Variants in OSBPL9 observed in about 807,000 individuals in gnomAD.
The protein encoded by OSBPL9 is oxysterol-binding protein-related protein 9.
Under a neutral mutation model 106.6 loss-of-function variants are expected in OSBPL9, and 40 were observed. That is an observed-to-expected ratio of 0.38 (90% CI 0.29 to 0.49). The LOEUF (loss-of-function observed/expected upper bound fraction) is 0.49. Among genes scored for constraint, OSBPL9 ranks in the 20% least tolerant of loss-of-function variants. The probability of loss-of-function intolerance (pLI) is 0.97; values close to 1 mark genes in which losing one functional copy is unlikely to be tolerated. For synonymous variants in OSBPL9, 269 were observed against 295.4 expected (o/e 0.91, Z 0.92); for missense variants, 609 against 887.2 (o/e 0.69, Z 3.98).
chr1:51,718,982 C>T (rs756954279), intron 4 of OSBPL9, among the ~76,000 whole-genome samples: 1 of 152,156 alleles, frequency 6.6e-6, no homozygotes, highest in Non-Finnish European at 1.5e-5. Flanking sequence ...CAGCCCCCAC[C>T]GTTTTCATGG....
At chr1:51,661,315 G>C (rs939337962) in intron 2 of OSBPL9, among the ~76,000 whole-genome samples, 1 of 152,122 alleles carries the variant, frequency 6.6e-6, no homozygotes, top group Admixed American at 6.5e-5. Flanking sequence ...AAAATAGCCA[G>C]AATTTTGTTT....
chr1:51,646,520 GA>G (rs1646164331), intron 1 of OSBPL9, among the ~76,000 whole-genome samples: 1 of 152,054 alleles, frequency 6.6e-6, no homozygotes, highest in African/African-American at 2.4e-5. Flanking sequence ...TTTTGGTGTG[GA>G]TTCCTTAGGA....
chr1:51,664,215 A>G (rs1384013787), intron 2 of OSBPL9, among the ~76,000 whole-genome samples: 5 of 152,254 alleles, frequency 3.3e-5, no homozygotes, highest in South Asian at 2.1e-4. Context: ...ACTGAAAACA[A>G]CATAAATGTC....
intron 4 of OSBPL9, among the ~76,000 whole-genome samples, chr1:51,728,340 T>C (rs186817487): frequency 6.6e-6 from 1 of 152,176 alleles, no homozygotes; most frequent in Admixed American, 6.5e-5. Context: ...AAGAAGACTT[T>C]AGTAAGATTA....
intron 9 of OSBPL9, chr1:51,756,917 A>G (rs1177901151): frequency 6.6e-6 from 1 of 151,940 alleles, no homozygotes; most frequent in African/African-American, 2.4e-5. Context: ...CCTTTCCTTT[A>G]TATTCAACTT....
Position 51,664,841 on chromosome 1 carries a change from A to T in OSBPL9, c.163-4593A>T, listed in dbSNP as rs867061430. Among the ~76,000 whole-genome samples the T allele has an allele frequency of 6.6e-5, 10 of 152,212 alleles. No individual in the cohort carries two copies. The South Asian group carries it at 2.1e-3, about 32-fold the overall frequency. On this transcript the variant is annotated intron_variant, in intron 2 of 23. Transcript: ENST00000428468. ...AGCTTTTCTGTTCATTGAGCTGTAC[A>T]CTTGTGATTTGTATATATGTTACAT...
intron 1 of OSBPL9, among the ~76,000 whole-genome samples, chr1:51,585,419 T>C (rs768209154): frequency 6.6e-6 from 1 of 152,184 alleles, no homozygotes; most frequent in Admixed American, 6.6e-5. Context: ...TAAAGCATCA[T>C]GCTTAGTGGC....
chr1:51,693,044 C>T (rs909696399), intron 3 of OSBPL9, among the ~76,000 whole-genome samples: 2 of 151,890 alleles, frequency 1.3e-5, no homozygotes, highest in East Asian at 1.9e-4. Context: ...ATTATGACTA[C>T]CAATTAGTTG....
chr1:51,645,882 T>C (rs1331206855), intron 1 of OSBPL9, among the ~76,000 whole-genome samples: 1 of 151,976 alleles, frequency 6.6e-6, no homozygotes, highest in Non-Finnish European at 1.5e-5. Flanking sequence ...TATTCCCTAT[T>C]GGATAGTCTT....
rs539150766 is a variant in OSBPL9 at position 51,729,941 on chromosome 1, C to G, written c.319-15595C>G. On this transcript the variant is annotated intron_variant, in intron 4 of 23. Coordinates refer to ENST00000428468, the MANE Select transcript of OSBPL9 (RefSeq NM_024586.6). The surrounding 1 kb of genome is among the most constrained non-coding windows in gnomAD (Gnocchi z 5.1). Reference sequence around the variant, plus strand: ...GCTCGGGAGCAGCCCCCGGCTACCTCCCCTGGAGGCACAGAGGGCGGGGGC... The same window carrying G: ...GCTCGGGAGCAGCCCCCGGCTACCTGCCCTGGAGGCACAGAGGGCGGGGGC... 126 of 1,312,894 alleles carry G rather than the reference C, an allele frequency of 9.6e-5. No individual in the cohort carries two copies. The Middle Eastern group carries it at 2.7e-3, about 28-fold the overall frequency. The allele number at this position is 1,312,894 out of a possible 1,614,324, so 81.3% of individuals were successfully genotyped here. A position where few individuals can be genotyped will look rare whatever the true frequency, so the allele number is the denominator to read the frequency against.
At chr1:51,707,175 C>G (rs1294694521) in intron 3 of OSBPL9, 8 of 407,952 alleles carry the variant, frequency 2.0e-5, no homozygotes, top group Non-Finnish European at 4.0e-5. Flanking sequence ...GTCCACCACC[C>G]TGTTGGTGTA....
intron 2 of OSBPL9, among the ~76,000 whole-genome samples, chr1:51,664,226 C>T (rs189139624): frequency 6.6e-6 from 1 of 152,212 alleles, no homozygotes; most frequent in African/African-American, 2.4e-5. Flanking sequence ...CATAAATGTC[C>T]ATGCACAATG....
intron 1 of OSBPL9, among the ~76,000 whole-genome samples, chr1:51,579,641 G>T (rs1436132756): frequency 6.6e-6 from 1 of 151,814 alleles, no homozygotes; most frequent in Non-Finnish European, 1.5e-5. Flanking sequence ...AACAAAATTT[G>T]TACTTTCCCA....
chr1:51,567,435 T>C, the OSBPL9 span: 1 of 152,216 alleles, frequency 6.6e-6, no homozygotes, highest in Non-Finnish European at 1.5e-5. Flanking sequence ...TTGATGTTAC[T>C]ATGATAAACT....
chr1:51,749,838 T>C (rs1420979741), intron 7 of OSBPL9, among the ~76,000 whole-genome samples: 1 of 149,178 alleles, frequency 6.7e-6, no homozygotes, highest in Non-Finnish European at 1.5e-5. Flanking sequence ...GAATAGCCAC[T>C]GCAATCCAGC....
upstream of OSBPL9, among the ~76,000 whole-genome samples, chr1:51,615,255 A>AAAAACAAAAC (rs147586998): frequency 1.3e-5 from 2 of 152,122 alleles, no homozygotes; most frequent in African/African-American, 4.8e-5. Flanking sequence ...TCCATCTCAA[A>AAAAACAAAAC]AAAACAAAAC....
chr1:51,532,977 T>C, the OSBPL9 span, among the ~76,000 whole-genome samples: 2 of 152,114 alleles, frequency 1.3e-5, no homozygotes, highest in Non-Finnish European at 2.9e-5. Context: ...TGGTAATTAT[T>C]AAATGGTAAT....
intron 4 of OSBPL9, among the ~76,000 whole-genome samples, chr1:51,731,252 A>G (rs1242059532): frequency 6.6e-6 from 1 of 151,810 alleles, no homozygotes; most frequent in African/African-American, 2.4e-5. Context: ...CCTGGGCAAC[A>G]AAGCCAGAAC....
the OSBPL9 span, among the ~76,000 whole-genome samples, chr1:51,545,961 T>C: frequency 6.6e-6 from 1 of 151,936 alleles, no homozygotes; most frequent in Non-Finnish European, 1.5e-5. Context: ...AAGAAAAATA[T>C]GAGATAATTA....
Sources: allele counts gnomAD v4.1 joint callset (sites outside exome capture counted in the v4.1 genomes callset), GRCh38; gene constraint gnomAD v4.1.1; non-coding constraint Gnocchi (gnomAD v3.1); transcripts MANE v1.5; gene names NCBI Gene and HGNC (gene_info 2026-07-23, HGNC 2026-07-21).